TBC1D31: variants seen among roughly 807,000 people sequenced by gnomAD.
TBC1D31 encodes the protein WD repeat domain 67.
TBC1D31 carries 99 observed loss-of-function variants against 132.9 expected under a neutral mutation model. The observed-to-expected ratio is 0.74, with a 90% confidence interval of 0.63 to 0.88. The LOEUF (loss-of-function observed/expected upper bound fraction) is 0.88, where lower values mean the gene tolerates loss of function less well. TBC1D31 is among the 40% of genes least tolerant of loss of function. The probability of loss-of-function intolerance (pLI) is 0.00; values close to 1 mark genes in which losing one functional copy is unlikely to be tolerated. For missense variants in TBC1D31, 1,134 were observed against 1,256.6 expected (o/e 0.90, Z 1.48); for synonymous variants, 385 against 419.4 (o/e 0.92, Z 1.00).
chr8:123,117,614 A>G (rs1819058542), intron 10 of TBC1D31, among the ~76,000 whole-genome samples: 1 of 151,498 alleles, frequency 6.6e-6, no homozygotes, highest in South Asian at 2.1e-4. Context: ...TTAGCCGGGC[A>G]TGGTGGCGCG....
At chr8:123,122,626 G>A (rs1183203472) in intron 11 of TBC1D31, among the ~76,000 whole-genome samples, 1 of 152,110 alleles carries the variant, frequency 6.6e-6, no homozygotes, top group African/African-American at 2.4e-5. Flanking sequence ...CCCTGAATGG[G>A]ATCATTGTAT....
At chr8:123,086,062 C>T (rs907543151) in intron 4 of TBC1D31, among the ~76,000 whole-genome samples, 8 of 152,152 alleles carry the variant, frequency 5.3e-5, no homozygotes, top group Non-Finnish European at 8.8e-5. Flanking sequence ...ACGGCTTGGC[C>T]GAGTGCCAGG....
rs898944830 is a variant in TBC1D31, at chr8:123,151,967, A to G, written c.*28A>G. 9.0e-6 allele frequency: 13 copies of G among 1,442,324 alleles called. No homozygotes were observed. Among genetic ancestry groups the G allele is most frequent in the Middle Eastern group, 1.8e-4 (1 of 5,458 alleles). 89.3% of individuals were successfully genotyped at this position (1,442,324 alleles called of 1,614,324 possible). ...TGCATGTCACCTTGAGACGGTCGAG[A>G]GAGAGACCTATTTTGCAATCAGTGA... On this transcript the variant is annotated 3_prime_UTR_variant, in exon 22 of 22. Transcript: ENST00000287380.
At chr8:123,153,095 C>G (rs1822895683), downstream of TBC1D31, among the ~76,000 whole-genome samples, 1 of 152,098 alleles carries the variant, frequency 6.6e-6, no homozygotes, top group Non-Finnish European at 1.5e-5. Flanking sequence ...TTTTCTCAGC[C>G]TAGTTTTCCA....
intron 2 of TBC1D31, among the ~76,000 whole-genome samples, chr8:123,078,430 G>A (rs919456328): frequency 1.3e-5 from 2 of 152,162 alleles, no homozygotes; most frequent in Non-Finnish European, 2.9e-5. Flanking sequence ...GATAGATATA[G>A]CACTAAATAG....
intron 6 of TBC1D31, 31 bp from the exon 7 acceptor site, chr8:123,100,776 T>G (rs1817324221): frequency 6.4e-7 from 1 of 1,557,996 alleles, no homozygotes; most frequent in Non-Finnish European, 8.8e-7. Context: ...CTATCACATG[T>G]TTTTAGGAAT....
chr8:123,153,230 C>T (rs1255671927), downstream of TBC1D31, among the ~76,000 whole-genome samples: 1 of 152,066 alleles, frequency 6.6e-6, no homozygotes, highest in African/African-American at 2.4e-5. Flanking sequence ...ACTAGAATTG[C>T]CTGCTCACCG....
rs1212706848 is a variant in TBC1D31 at position 123,077,539 on chromosome 8, T to C, written c.224+282T>C. Among the ~76,000 whole-genome samples, 4 of 151,704 alleles carry C rather than the reference T, an allele frequency of 2.6e-5. No homozygotes were observed. The East Asian group carries it at 7.7e-4, about 29-fold the overall frequency. ...TAAAAATTTATTATTGCTAATTTTT[T>C]TTTTTTTCTTCAGACGGAGCCTTGT... is the stretch of plus-strand genomic sequence containing the variant. On this transcript the variant is annotated intron_variant, in intron 2 of 21. Transcript: ENST00000287380.
Position 123,145,460 on chromosome 8 carries a change from A to G in TBC1D31, c.2974+605A>G, listed in dbSNP as rs1174229642. On this transcript the variant is annotated intron_variant, in intron 20 of 21. Transcript: ENST00000287380. The stretch of plus-strand genomic sequence containing the variant: ...GCCAAAAGCTGGTCCTCAGAACAAC[A>G]GTATATTCAAGTATCACATGGAAAC... 2.6e-5 allele frequency among the ~76,000 whole-genome samples: 4 copies of G among 152,344 alleles called. No individual in the cohort carries two copies. In the South Asian group the frequency reaches 8.3e-4, roughly 32 times the overall value.
Position 123,077,264 on chromosome 8 carries a change from A to T in TBC1D31, c.224+7A>T, listed in dbSNP as rs1361625357. ...TTGACTTACATGGAAACAGGTAAGC[A>T]GATACCATTGATATCTACGTTCTTT... On this transcript the variant is annotated splice_region_variant and intron_variant, in intron 2 of 21. Transcript: ENST00000287380. 1 of 1,603,358 alleles carries T rather than the reference A, an allele frequency of 6.2e-7. No individual in the cohort carries two copies. The highest frequency in any genetic ancestry group is 8.5e-7 in the Non-Finnish European group (1 of 1,176,478).
At chr8:123,091,210 T>C (rs965964993) in intron 4 of TBC1D31, among the ~76,000 whole-genome samples, 9 of 152,160 alleles carry the variant, frequency 5.9e-5, no homozygotes, top group Admixed American at 4.6e-4. Context: ...TTTATAATCA[T>C]TAAAATATGG....
At position 123,077,123 on chromosome 8, in the gene TBC1D31, C is replaced by T. The variant is rs756748472; in HGVS notation, c.90C>T (p.Asn30=). The change falls in exon 2 of 22, where the codon AAC becomes AAT. Residue 30 remains asparagine, a synonymous_variant. Transcript: ENST00000287380. ...TTTTCTTTGACAGAATTATAGTGAACATTATTCACAACACTTCCGATTACC... is the reference window on the plus strand; with the variant it reads ...TTTTCTTTGACAGAATTATAGTGAATATTATTCACAACACTTCCGATTACC... ...SPATRDGIIV[N]IIHNTSDYHP... The T allele has an allele frequency of 1.3e-5, 21 of 1,604,574 alleles. No individual in the cohort carries two copies. The highest frequency in any genetic ancestry group is 2.3e-5 in the East Asian group (1 of 44,442).
chr8:123,111,081 C>G (rs1203575179), intron 10 of TBC1D31, among the ~76,000 whole-genome samples: 1 of 151,462 alleles, frequency 6.6e-6, no homozygotes, highest in Non-Finnish European at 1.5e-5. Flanking sequence ...GGGGCTTGAT[C>G]TGAGTCAAGG....
At chr8:123,157,306 T>A in the TBC1D31 span, among the ~76,000 whole-genome samples, 1 of 152,184 alleles carries the variant, frequency 6.6e-6, no homozygotes, top group Non-Finnish European at 1.5e-5. Flanking sequence ...ACGAGGCACC[T>A]AGTAAGGGTT....
chr8:123,078,736 A>G (rs1814808161), intron 2 of TBC1D31, among the ~76,000 whole-genome samples: 1 of 152,214 alleles, frequency 6.6e-6, no homozygotes, highest in African/African-American at 2.4e-5. Flanking sequence ...CCCTCTGGTC[A>G]TATTGGAGAT....
At chr8:123,136,511 C>T (rs540879915) in intron 17 of TBC1D31, among the ~76,000 whole-genome samples, 39 of 152,258 alleles carry the variant, frequency 2.6e-4, no homozygotes, top group African/African-American at 9.1e-4. Context: ...AGTACAATGG[C>T]GCGATCTCGG....
chr8:123,155,343 A>G (rs1822961812), downstream of TBC1D31, among the ~76,000 whole-genome samples: 1 of 152,200 alleles, frequency 6.6e-6, no homozygotes. The surrounding 1 kb of genome is among the most constrained non-coding windows in gnomAD (Gnocchi z 4.1). Context: ...CCACCACCAC[A>G]GATGTGTTCC....
At chr8:123,093,067 C>T (rs1816497829) in intron 4 of TBC1D31, among the ~76,000 whole-genome samples, 1 of 152,126 alleles carries the variant, frequency 6.6e-6, no homozygotes, top group Non-Finnish European at 1.5e-5. Context: ...CCGCCTTGGC[C>T]TCCCAAAGTG....
intron 11 of TBC1D31, among the ~76,000 whole-genome samples, chr8:123,125,723 C>G (rs1181749561): frequency 2.6e-5 from 4 of 151,948 alleles, no homozygotes; most frequent in Non-Finnish European, 5.9e-5. Context: ...AAATAGGGGC[C>G]CTTTTTAAAA....
Sources: gnomAD v4.1 joint callset for allele counts (sites outside exome capture counted in the v4.1 genomes callset) on GRCh38, gnomAD v4.1.1 for gene constraint, Gnocchi (gnomAD v3.1) non-coding constraint, MANE v1.5 for transcripts, NCBI Gene and HGNC (gene_info 2026-07-23, HGNC 2026-07-21) for gene names.